Variants in SHTN1 observed in about 807,000 individuals in gnomAD.
The protein encoded by SHTN1 is shootin 1.
In SHTN1, 42 loss-of-function variants were observed where a neutral mutation model predicts 83.1. That is an observed-to-expected ratio of 0.51 (90% CI 0.39 to 0.65). SHTN1 has a LOEUF of 0.65. Among genes scored for constraint, SHTN1 ranks in the 30% least tolerant of loss-of-function variants. The pLI, the probability that SHTN1 is intolerant of heterozygous loss-of-function variation, is 0.00. For missense variants in SHTN1, 622 were observed against 737.8 expected, an observed-to-expected ratio of 0.84 and a Z score of 1.82; for synonymous variants, 224 against 247.7, an observed-to-expected ratio of 0.90 and a Z score of 0.90.
Position 116,909,601 on chromosome 10 carries a change from T to C in SHTN1, c.1359+2189A>G, listed in dbSNP as rs139441779. 2.1e-3 allele frequency among the ~76,000 whole-genome samples: 317 copies of C among 152,268 alleles called. 1 individual carries two copies. The highest frequency in any genetic ancestry group is 7.4e-3 in the African/African-American group (306 of 41,560). On this transcript the variant is annotated intron_variant, in intron 14 of 16. Transcript: ENST00000355371. ...TATACATATTTTTATCTACAAAATA[T>C]CCAGCTTTAAAACTTAAGTGGAAGT...
intron 1 of SHTN1, among the ~76,000 whole-genome samples, chr10:117,110,892 G>A (rs1447961652): frequency 6.6e-6 from 1 of 152,118 alleles, no homozygotes. Flanking sequence ...GTCACTTGGA[G>A]GGCTTGTTAA....
intron 1 of SHTN1, among the ~76,000 whole-genome samples, chr10:117,091,749 T>A (rs1589928926): frequency 6.6e-6 from 1 of 152,326 alleles, no homozygotes; most frequent in East Asian, 1.9e-4. Flanking sequence ...CTTGCCCTAC[T>A]TTACATGAAT....
rs562298165 is a variant in SHTN1 at position 116,945,652 on chromosome 10, TA to T, written c.617-635del. Among the ~76,000 whole-genome samples, 32 of 152,250 alleles carry T rather than the reference TA, an allele frequency of 2.1e-4. 1 individual carries two copies. In the South Asian group the frequency reaches 6.6e-3, roughly 32 times the overall value. On this transcript the variant is annotated intron_variant, in intron 7 of 16. Transcript: ENST00000355371. Reference sequence around the variant, plus strand: ...TTACACCCATCCAAGAGGCAACTGGTAAAAATTTTAAAGCATGGTTTTATTA... The same window carrying T: ...TTACACCCATCCAAGAGGCAACTGGTAAAATTTTAAAGCATGGTTTTATTA...
At chr10:116,917,322 G>C (rs1343218864) in intron 12 of SHTN1, among the ~76,000 whole-genome samples, 1 of 151,400 alleles carries the variant, frequency 6.6e-6, no homozygotes, top group Non-Finnish European at 1.5e-5. Context: ...CTTTTTTTTT[G>C]AGATGGAGTC....
intron 1 of SHTN1, among the ~76,000 whole-genome samples, chr10:117,084,698 G>A (rs1853320594): frequency 6.6e-6 from 1 of 152,132 alleles, no homozygotes; most frequent in Non-Finnish European, 1.5e-5. Context: ...GACTCCGTGA[G>A]GTAGGACCCT....
chr10:116,950,958 A>G (rs1677342654), intron 6 of SHTN1, among the ~76,000 whole-genome samples: 1 of 152,198 alleles, frequency 6.6e-6, no homozygotes, highest in South Asian at 2.1e-4. Flanking sequence ...TGGCATGCTC[A>G]TAAGTCACTT....
At chr10:117,007,994 C>T (rs1299555849), upstream of SHTN1, among the ~76,000 whole-genome samples, 5 of 151,934 alleles carry the variant, frequency 3.3e-5, no homozygotes, top group South Asian at 4.2e-4. Context: ...GGTGACAGAG[C>T]GAGACTCCAT....
chr10:116,969,812 A>AT (rs1393931674), intron 2 of SHTN1, among the ~76,000 whole-genome samples: 25 of 152,338 alleles, frequency 1.6e-4, no homozygotes, highest in African/African-American at 5.8e-4. Flanking sequence ...TGAATTCAGT[A>AT]TATCTTGAAT....
intron 1 of SHTN1, among the ~76,000 whole-genome samples, chr10:117,092,530 A>G (rs767209588): frequency 1.6e-4 from 24 of 152,224 alleles, no homozygotes; most frequent in Non-Finnish European, 2.6e-4. Flanking sequence ...CTTTGGGGAC[A>G]AATTAAGCCA....
At chr10:117,071,140 AG>A (rs1436367146) in intron 1 of SHTN1, among the ~76,000 whole-genome samples, 2 of 152,224 alleles carry the variant, frequency 1.3e-5, no homozygotes, top group African/African-American at 4.8e-5. Flanking sequence ...CCATTTTACA[AG>A]ATTTAAGCAA....
chr10:117,020,334 T>C (rs1301358836), intron 2 of SHTN1, among the ~76,000 whole-genome samples: 2 of 134,934 alleles, frequency 1.5e-5, no homozygotes, highest in African/African-American at 5.5e-5. Flanking sequence ...TAATAAAAAT[T>C]AAAAAAAAAA....
intron 7 of SHTN1, among the ~76,000 whole-genome samples, chr10:116,946,801 T>TC (rs1328435722): frequency 6.6e-6 from 1 of 151,618 alleles, no homozygotes; most frequent in East Asian, 1.9e-4. Flanking sequence ...CACTGCAACC[T>TC]CCGCCTCCTA....
At chr10:116,947,525 A>C (rs761577067) in intron 7 of SHTN1, among the ~76,000 whole-genome samples, 1 of 152,210 alleles carries the variant, frequency 6.6e-6, no homozygotes, top group East Asian at 1.9e-4. Context: ...TTTTGGTGTG[A>C]ATTATAGGTC....
chr10:116,954,062 T>G lies in SHTN1; in HGVS notation c.416A>C (p.Gln139Pro). Residue 139 changes from glutamine (Q) to proline (P), a missense_variant, in exon 5 of 17, where the codon CAG becomes CCG. Gln to Pro is a moderately conservative substitution (Grantham distance 76). This residue lies in a region of SHTN1 where 383 missense variants were observed against 455.8 expected (regional missense o/e 0.84). Transcript: ENST00000355371. ...DGAAETCVSV[Q>P]CQKQIKELRD... ...TCTACCTTTAATTTGCTTCTGACAC[T>G]GTACTGAGACACAAGTCTCGGCGGC... The G allele has an allele frequency of 6.2e-7, 1 of 1,608,966 alleles. No individual in the cohort carries two copies. Among genetic ancestry groups the G allele is most frequent in the Non-Finnish European group, 8.5e-7 (1 of 1,178,830 alleles).
At chr10:116,968,439 A>C (rs1327622537) in intron 3 of SHTN1, among the ~76,000 whole-genome samples, 3 of 152,228 alleles carry the variant, frequency 2.0e-5, no homozygotes, top group Non-Finnish European at 4.4e-5. Context: ...TAACAAGTAT[A>C]GGTTTTTCTA....
intron 2 of SHTN1, among the ~76,000 whole-genome samples, chr10:117,041,697 G>T (rs1027622932): frequency 4.6e-5 from 7 of 152,142 alleles, no homozygotes; most frequent in African/African-American, 1.7e-4. Flanking sequence ...CACAATTCTA[G>T]AGAAAAATTA....
At chr10:117,108,349 C>T (rs1399199576) in intron 1 of SHTN1, among the ~76,000 whole-genome samples, 2 of 151,948 alleles carry the variant, frequency 1.3e-5, no homozygotes, top group African/African-American at 4.8e-5. Context: ...AAATGTGGCA[C>T]ATATACACCA....
chr10:116,988,227 T>G (rs988704847), intron 1 of SHTN1, among the ~76,000 whole-genome samples: 1 of 151,846 alleles, frequency 6.6e-6, no homozygotes, highest in Non-Finnish European at 1.5e-5. Context: ...AAGAGGTATG[T>G]GAATATTCTC....
intron 1 of SHTN1, among the ~76,000 whole-genome samples, chr10:117,002,716 TCCA>T (rs1371432652): frequency 6.6e-6 from 1 of 152,184 alleles, no homozygotes; most frequent in Non-Finnish European, 1.5e-5. Context: ...CAGTCTGTGA[TCCA>T]ATGACAAGCA....
Sources: gnomAD v4.1 joint callset for allele counts (sites outside exome capture counted in the v4.1 genomes callset) on GRCh38, gnomAD v4.1.1 for gene constraint, gnomAD v4.1.1 regional missense constraint, MANE v1.5 for transcripts, NCBI Gene and HGNC (gene_info 2026-07-23, HGNC 2026-07-21) for gene names.